Variants in IRAG2 observed in about 807,000 individuals in gnomAD.
IRAG2 encodes lymphoid restricted membrane protein.
In IRAG2, 45 loss-of-function variants were observed where a neutral mutation model predicts 69.9. That is an observed-to-expected ratio of 0.64 (90% CI 0.51 to 0.83). The LOEUF (loss-of-function observed/expected upper bound fraction) is 0.83. Among genes scored for constraint, IRAG2 ranks in the 40% least tolerant of loss-of-function variants. IRAG2 has a pLI of 0.00. For synonymous variants in IRAG2, 193 were observed against 202.4 expected (o/e 0.95, Z 0.40); for missense variants, 520 against 587.0 (o/e 0.89, Z 1.18).
At chr12:25,081,341 G>A (rs973472338) in intron 9 of IRAG2, among the ~76,000 whole-genome samples, 1 of 152,308 alleles carries the variant, frequency 6.6e-6, no homozygotes. Flanking sequence ...GCGGGCACCT[G>A]TAGTCCCAGC....
intron 15 of IRAG2, among the ~76,000 whole-genome samples, chr12:25,100,140 C>T (rs1948671952): frequency 6.7e-6 from 1 of 149,954 alleles, no homozygotes; most frequent in South Asian, 2.1e-4. Flanking sequence ...ATCAAAACCA[C>T]AATGAGATAC....
the IRAG2 span, among the ~76,000 whole-genome samples, chr12:24,999,029 C>A: frequency 6.6e-6 from 1 of 152,150 alleles, no homozygotes; most frequent in Non-Finnish European, 1.5e-5. Context: ...ACATCATATG[C>A]CATTCTTTGC....
intron 2 of IRAG2, among the ~76,000 whole-genome samples, chr12:25,010,241 C>T (rs1184668419): frequency 1.3e-5 from 2 of 152,164 alleles, no homozygotes; most frequent in Non-Finnish European, 2.9e-5. Flanking sequence ...CTTTGGGAGG[C>T]CCAGGCAGGT....
chr12:25,107,903 T>C lies in IRAG2; in HGVS notation c.1343T>C (p.Ile448Thr), dbSNP rs752448174. ...GCCCTCTGGCTCTCTATTGCATTCA[T>C]TGTACTGTTTGCAGCTTTGATGAGC... Reference protein sequence around the residue: ...NKALWLSIAFIVLFAALMSFL... With the variant: ...NKALWLSIAFTVLFAALMSFL... The change falls in exon 22 of 22, where the codon ATT (isoleucine) becomes ACT (threonine). Residue 448 changes from isoleucine to threonine, a missense_variant. Ile to Thr is a moderately conservative substitution (Grantham distance 89). Transcript: ENST00000556887. The C allele has an allele frequency of 1.4e-5, 23 of 1,614,092 alleles. No homozygotes were observed. In the East Asian group the frequency reaches 2.7e-4, roughly 19 times the overall value.
chr12:25,008,117 G>T lies in IRAG2; in HGVS notation c.688+2763G>T, dbSNP rs559681780. 5.9e-5 allele frequency among the ~76,000 whole-genome samples: 9 copies of T among 152,176 alleles called. No individual in the cohort carries two copies. The South Asian group carries it at 1.9e-3, about 32-fold the overall frequency. On this transcript the variant is annotated intron_variant, in intron 2 of 38. Coordinates refer to the IRAG2 transcript ENST00000636465. ...CAGAAGGCAACTATTGATGATGAAG[G>T]CCTAGACCTATATTTTCATTAGATG...
At chr12:25,035,906 T>G in intron 14 of IRAG2, 1 of 397,030 alleles carries the variant, frequency 2.5e-6, no homozygotes, top group Non-Finnish European at 4.4e-6. Flanking sequence ...AGACCCAAAT[T>G]AATACACTCT....
intron 3 of IRAG2, among the ~76,000 whole-genome samples, chr12:25,012,586 G>A (rs1327068666): frequency 6.6e-6 from 1 of 152,088 alleles, no homozygotes; most frequent in Non-Finnish European, 1.5e-5. Context: ...CCAGCATTTT[G>A]GGAGGCTGAG....
intron 16 of IRAG2, among the ~76,000 whole-genome samples, chr12:25,041,065 C>T (rs921016636): frequency 6.6e-6 from 1 of 152,050 alleles, no homozygotes; most frequent in Non-Finnish European, 1.5e-5. Flanking sequence ...CTGAGTGGGG[C>T]GAGGGAGTGA....
At chr12:25,023,088 T>C (rs1453616578) in intron 7 of IRAG2, among the ~76,000 whole-genome samples, 2 of 148,808 alleles carry the variant, frequency 1.3e-5, no homozygotes, top group Non-Finnish European at 3.0e-5. Flanking sequence ...ATCGCACTAT[T>C]GTACCCCAGC....
chr12:25,062,492 C>G (rs759670953), intron 2 of IRAG2, among the ~76,000 whole-genome samples: 2 of 152,162 alleles, frequency 1.3e-5, no homozygotes, highest in Non-Finnish European at 2.9e-5. Context: ...AATTTTATAG[C>G]TATCAAATTT....
At chr12:25,012,265 C>A (rs1036578994) in intron 3 of IRAG2, among the ~76,000 whole-genome samples, 4 of 151,234 alleles carry the variant, frequency 2.6e-5, no homozygotes, top group Non-Finnish European at 5.9e-5. Context: ...AGCAATTCTC[C>A]CGCCACACCC....
chr12:25,039,624 G>T (rs1205447019), intron 16 of IRAG2, among the ~76,000 whole-genome samples: 1 of 152,276 alleles, frequency 6.6e-6, no homozygotes, highest in Admixed American at 6.5e-5. Flanking sequence ...TAGAGACGGG[G>T]TTTCACCATG....
At chr12:25,007,493 T>C (rs80090228) in intron 2 of IRAG2, among the ~76,000 whole-genome samples, 4,245 of 152,270 alleles carry the variant, frequency 0.028, 150 homozygotes, top group East Asian at 0.17. Context: ...TCCATCTGTT[T>C]TTTGCATTTT....
chr12:25,069,778 T>A (rs946837251), intron 6 of IRAG2, among the ~76,000 whole-genome samples: 3 of 152,162 alleles, frequency 2.0e-5, no homozygotes, highest in Non-Finnish European at 4.4e-5. Flanking sequence ...TCAGATCCCA[T>A]TGATTCTCCA....
intron 10 of IRAG2, among the ~76,000 whole-genome samples, chr12:25,086,042 T>C (rs1046396966): frequency 6.6e-6 from 1 of 152,156 alleles, no homozygotes; most frequent in African/African-American, 2.4e-5. Context: ...CTTTACTCTT[T>C]CATAGTAGAA....
chr12:25,087,821 G>T (rs75907144), intron 10 of IRAG2, among the ~76,000 whole-genome samples: 4,197 of 152,166 alleles, frequency 0.028, 200 homozygotes, highest in African/African-American at 0.096. Context: ...ACCCTATTGT[G>T]AACTGTGCAA....
chr12:25,099,255 T>C (rs1264713200), intron 15 of IRAG2, among the ~76,000 whole-genome samples: 1 of 152,146 alleles, frequency 6.6e-6, no homozygotes, highest in African/African-American at 2.4e-5. Context: ...CATTCAAAAC[T>C]GACTGTTCAT....
At chr12:25,040,868 A>C (rs925730770) in intron 16 of IRAG2, among the ~76,000 whole-genome samples, 2 of 152,220 alleles carry the variant, frequency 1.3e-5, no homozygotes, top group African/African-American at 4.8e-5. Context: ...GAAATAAGAC[A>C]GAAATCTCTG....
At chr12:25,075,126 T>C (rs988663615) in intron 6 of IRAG2, among the ~76,000 whole-genome samples, 2 of 152,234 alleles carry the variant, frequency 1.3e-5, no homozygotes, top group African/African-American at 2.4e-5. Context: ...TGCAAACCTA[T>C]AAGCAAATTT....
Sources: gnomAD v4.1 joint callset for allele counts (sites outside exome capture counted in the v4.1 genomes callset) on GRCh38, gnomAD v4.1.1 for gene constraint, MANE v1.5 for transcripts, NCBI Gene and HGNC (gene_info 2026-07-23, HGNC 2026-07-21) for gene names.